MSRB3: variants seen among roughly 807,000 people sequenced by gnomAD.
The protein encoded by MSRB3 is methionine sulfoxide reductase B3, also known as methionine-R-sulfoxide reductase B3.
MSRB3 carries 13 observed loss-of-function variants against 21.0 expected under a neutral mutation model. The ratio of observed to expected loss-of-function variants is 0.62; its 90% confidence interval spans 0.40 to 0.98. The LOEUF (loss-of-function observed/expected upper bound fraction) is 0.98. MSRB3 is among the 50% of genes least tolerant of loss of function. MSRB3 has a pLI of 0.00. For synonymous variants in MSRB3, 87 were observed against 88.6 expected (o/e 0.98, Z 0.10); for missense variants, 199 against 230.3 (o/e 0.86, Z 0.88).
intron 5 of MSRB3, among the ~76,000 whole-genome samples, chr12:65,375,612 A>T (rs1486936346): frequency 6.6e-6 from 1 of 151,698 alleles, no homozygotes; most frequent in African/African-American, 2.4e-5. Context: ...AATTTAAAAA[A>T]CATTTTTGTA....
At chr12:65,412,831 A>T (rs372776117) in intron 5 of MSRB3, among the ~76,000 whole-genome samples, 1 of 152,112 alleles carries the variant, frequency 6.6e-6, no homozygotes, top group Non-Finnish European at 1.5e-5. Context: ...GGAACCTTCA[A>T]TCATGGCGGA....
chr12:65,453,646 T>C, intron 5 of MSRB3, 82 bp from the exon 6 acceptor site: 2 of 1,000,132 alleles, frequency 2.0e-6, no homozygotes, highest in Non-Finnish European at 3.2e-6. Flanking sequence ...ATTATTTGCT[T>C]AGTATTTCTT....
At chr12:65,346,652 T>A (rs1236050513) in intron 4 of MSRB3, among the ~76,000 whole-genome samples, 1 of 152,184 alleles carries the variant, frequency 6.6e-6, no homozygotes, top group African/African-American at 2.4e-5. Flanking sequence ...AGACACGAAG[T>A]CCTTGCCCAT....
chr12:65,311,282 C>T (rs1255148921), intron 2 of MSRB3, among the ~76,000 whole-genome samples: 1 of 152,028 alleles, frequency 6.6e-6, no homozygotes, highest in African/African-American at 2.4e-5. Context: ...CAAAGAAACT[C>T]TCATCTTTCT....
At chr12:65,460,652 A>G (rs1883284730) in intron 6 of MSRB3, among the ~76,000 whole-genome samples, 1 of 150,960 alleles carries the variant, frequency 6.6e-6, no homozygotes, top group Non-Finnish European at 1.5e-5. Context: ...GTTTCTGAGG[A>G]TTTTTCTACC....
chr12:65,294,138 A>G (rs2136400017), intron 1 of MSRB3, among the ~76,000 whole-genome samples: 2 of 152,284 alleles, frequency 1.3e-5, no homozygotes, highest in South Asian at 4.1e-4. Flanking sequence ...TGCTTCCCAA[A>G]TCCTTTGAAA....
At chr12:65,445,472 TG>T (rs1437869209) in intron 5 of MSRB3, among the ~76,000 whole-genome samples, 1 of 150,284 alleles carries the variant, frequency 6.7e-6, no homozygotes, top group African/African-American at 2.5e-5. Context: ...ACTGGGTTCC[TG>T]GACAGCTAGA....
At chr12:65,397,085 G>C (rs898610496) in intron 5 of MSRB3, among the ~76,000 whole-genome samples, 3 of 152,058 alleles carry the variant, frequency 2.0e-5, no homozygotes, top group African/African-American at 4.8e-5. Flanking sequence ...TGTCCTCTTG[G>C]AGCATTGACC....
rs374879709 is a variant in MSRB3, at chr12:65,326,838, A to G, written c.89A>G (p.Asp30Gly). 4 of 1,613,116 alleles carry G rather than the reference A, an allele frequency of 2.5e-6. No individual in the cohort carries two copies. The highest frequency in any genetic ancestry group is 8.5e-7 in the Non-Finnish European group (1 of 1,179,234). The change falls in exon 3 of 7, where the codon GAT (aspartate) becomes GGT (glycine). Residue 30 changes from aspartate (D) to glycine (G), a missense_variant. Asp to Gly is a moderately conservative substitution (Grantham distance 94). Coordinates refer to ENST00000308259, the MANE Select transcript of MSRB3 (RefSeq NM_001031679.3). ...ACGLPSGSCR[D>G]KKNCKVVFSQ... ...TCTCTCTTTTCAGGGTCGTGTAGGG[A>G]TAAAAAGAACTGTAAGGTGGTCTTT... is the stretch of plus-strand genomic sequence containing the variant.
chr12:65,321,729 G>A (rs138396185), intron 2 of MSRB3, among the ~76,000 whole-genome samples: 30 of 152,026 alleles, frequency 2.0e-4, no homozygotes, highest in African/African-American at 7.0e-4. Flanking sequence ...TTTTCCAAAT[G>A]GCCAATTATT....
chr12:65,406,276 C>G (rs12099892), intron 5 of MSRB3, among the ~76,000 whole-genome samples: 3,488 of 152,242 alleles, frequency 0.023, 139 homozygotes, highest in African/African-American at 0.078. Context: ...CAGTTTCATT[C>G]TGCCACATGG....
Position 65,327,025 on chromosome 12 carries a change from C to T in MSRB3, c.185+91C>T, listed in dbSNP as rs1224558855. Reference sequence around the variant, plus strand: ...CTTTTCCTTGCCAATTAATTTAAAGCATTCTATACTTACTTGCTAAAGTCT... The same window carrying T: ...CTTTTCCTTGCCAATTAATTTAAAGTATTCTATACTTACTTGCTAAAGTCT... On this transcript the variant is annotated intron_variant, in intron 3 of 6. Coordinates refer to ENST00000308259, the MANE Select transcript of MSRB3 (RefSeq NM_001031679.3). 8.9e-6 allele frequency: 8 copies of T among 895,650 alleles called. No individual in the cohort carries two copies. The East Asian group carries it at 1.6e-4, about 18-fold the overall frequency. 55.5% of individuals were successfully genotyped at this position (895,650 alleles called of 1,614,324 possible).
chr12:65,417,316 A>G (rs1881031454), intron 5 of MSRB3, among the ~76,000 whole-genome samples: 1 of 152,166 alleles, frequency 6.6e-6, no homozygotes, highest in Non-Finnish European at 1.5e-5. Flanking sequence ...TACTGTGTTA[A>G]TAAGAAGATA....
intron 2 of MSRB3, among the ~76,000 whole-genome samples, chr12:65,321,765 C>G (rs17224728): frequency 0.22 from 33,354 of 151,980 alleles, 4,482 homozygotes; most frequent in Admixed American, 0.33. Flanking sequence ...TATACTATGC[C>G]TGAAGTAAAA....
intron 4 of MSRB3, among the ~76,000 whole-genome samples, chr12:65,358,431 A>T (rs898530835): frequency 6.6e-6 from 1 of 152,050 alleles, no homozygotes; most frequent in Non-Finnish European, 1.5e-5. Context: ...ACTTTGAATT[A>T]TAATCAATAC....
intron 6 of MSRB3, among the ~76,000 whole-genome samples, chr12:65,459,096 C>T (rs1044941187): frequency 6.9e-6 from 1 of 144,250 alleles, no homozygotes; most frequent in Admixed American, 6.9e-5. Context: ...ACTAATAAAT[C>T]ACTTAACTTT....
chr12:65,281,294 C>A (rs968739719), intron 1 of MSRB3, among the ~76,000 whole-genome samples: 18 of 151,882 alleles, frequency 1.2e-4, no homozygotes, highest in Non-Finnish European at 2.6e-4. Context: ...AATTTGATTC[C>A]CATGTTTAGC....
intron 4 of MSRB3, among the ~76,000 whole-genome samples, chr12:65,351,217 A>G (rs1426519919): frequency 2.0e-5 from 3 of 151,052 alleles, no homozygotes; most frequent in Non-Finnish European, 3.0e-5. Flanking sequence ...TGACTACTGG[A>G]TACATAACGA....
chr12:65,380,296 G>A (rs1454654730), intron 5 of MSRB3, among the ~76,000 whole-genome samples: 1 of 152,160 alleles, frequency 6.6e-6, no homozygotes, highest in Non-Finnish European at 1.5e-5. Context: ...TTTTGTTGGG[G>A]GGTCCTGATA....
Sources: gnomAD v4.1 joint callset for allele counts (sites outside exome capture counted in the v4.1 genomes callset) on GRCh38, gnomAD v4.1.1 for gene constraint, MANE v1.5 for transcripts, NCBI Gene and HGNC (gene_info 2026-07-23, HGNC 2026-07-21) for gene names.